DLC1: variants seen among roughly 807,000 people sequenced by gnomAD.
The protein encoded by DLC1 is DLC1 Rho GTPase activating protein, also known as rho GTPase-activating protein 7.
DLC1 carries 54 observed loss-of-function variants against 140.3 expected under a neutral mutation model. The ratio of observed to expected loss-of-function variants is 0.38; its 90% CI spans 0.31 to 0.48. DLC1 has a LOEUF of 0.48. Among genes scored for constraint, DLC1 ranks in the 20% least tolerant of loss-of-function variants. The probability of loss-of-function intolerance (pLI) is 0.96; values close to 1 mark genes in which losing one functional copy is unlikely to be tolerated. For missense variants in DLC1, 2,536 were observed against 1,907.0 expected (o/e 1.33, Z -6.14); for synonymous variants, 986 against 728.1 (o/e 1.35, Z -5.70).
At chr8:13,393,005 A>G (rs964748353) in intron 4 of DLC1, among the ~76,000 whole-genome samples, 16 of 152,322 alleles carry the variant, frequency 1.1e-4, no homozygotes, top group African/African-American at 3.8e-4. Context: ...ATCTCTGCAT[A>G]TAAACCTATT....
At chr8:13,348,118 C>CAAAG (rs1308468829) in intron 4 of DLC1, among the ~76,000 whole-genome samples, 1 of 151,736 alleles carries the variant, frequency 6.6e-6, no homozygotes, top group Non-Finnish European at 1.5e-5. Flanking sequence ...AATAAACAAA[C>CAAAG]AAACTTCCTG....
chr8:13,548,734 C>T (rs1245106126), intron 1 of DLC1, among the ~76,000 whole-genome samples: 2 of 151,902 alleles, frequency 1.3e-5, no homozygotes, highest in Non-Finnish European at 2.9e-5. Flanking sequence ...TCTCTAAGAC[C>T]ACCTGTTAAT....
chr8:13,094,813 G>A lies in DLC1; in HGVS notation c.3472C>T (p.Pro1158Ser). Residue 1158 changes from proline to serine, a missense_variant, in exon 12 of 18, where the codon CCT (proline) becomes TCT (serine). Pro to Ser is a moderately conservative substitution (Grantham distance 74). Transcript: ENST00000276297. ...DMLKQYFRDL[P>S]EPLMTNKLSE... ...AGTTTGTTCGTCATTAGTGGCTCAG[G>A]AAGATCTCGAAAATACTGCTTCAGC... is the stretch of plus-strand genomic sequence containing the variant. 1 of 1,614,182 alleles carries A rather than the reference G, an allele frequency of 6.2e-7. No individual in the cohort carries two copies.
intron 2 of DLC1, among the ~76,000 whole-genome samples, chr8:13,421,838 G>C (rs1838335006): frequency 6.6e-6 from 1 of 152,020 alleles, no homozygotes; most frequent in African/African-American, 2.4e-5. Context: ...CCTAATTTCT[G>C]CCTAGGGAAT....
intron 1 of DLC1, among the ~76,000 whole-genome samples, chr8:13,521,677 A>G (rs1343815134): frequency 6.6e-6 from 1 of 152,130 alleles, no homozygotes; most frequent in Non-Finnish European, 1.5e-5. Context: ...ACTGTGCAAC[A>G]TTCTCAGCCC....
intron 5 of DLC1, among the ~76,000 whole-genome samples, chr8:13,201,138 GAAA>G (rs5889426): frequency 6.9e-6 from 1 of 144,036 alleles, no homozygotes. Context: ...AGGAAACAAG[GAAA>G]AAAAAAAAGC....
rs1292961610 is a variant in DLC1, at chr8:13,421,708, T to C, written c.1024-20089A>G. ...AAAATAGCCTTTTGCTTCCAAAATA[T>C]TGAGGTTACTCATCCTCCAATTCCC... is the stretch of plus-strand genomic sequence containing the variant. On this transcript the variant is annotated intron_variant, in intron 2 of 17. Transcript: ENST00000276297. Among the ~76,000 whole-genome samples, 7 of 152,294 alleles carry C rather than the reference T, an allele frequency of 4.6e-5. No individual in the cohort carries two copies. In the South Asian group the frequency reaches 8.3e-4, roughly 18 times the overall value.
chr8:13,133,056 A>AC, intron 5 of DLC1: 3 of 1,562,432 alleles, frequency 1.9e-6, no homozygotes, highest in Non-Finnish European at 2.6e-6. Context: ...CCGCGTCGGG[A>AC]CCCACGGCGG....
At chr8:13,266,463 G>A (rs1830692309) in intron 5 of DLC1, among the ~76,000 whole-genome samples, 1 of 152,168 alleles carries the variant, frequency 6.6e-6, no homozygotes, top group Non-Finnish European at 1.5e-5. Flanking sequence ...AAGCTCTTTG[G>A]GTTGGGCGTG....
chr8:13,309,882 T>A (rs1158455763), intron 4 of DLC1, among the ~76,000 whole-genome samples: 1 of 152,210 alleles, frequency 6.6e-6, no homozygotes, highest in South Asian at 2.1e-4. Context: ...TTCTTCCTGA[T>A]GACTTAGGAA....
chr8:13,120,372 A>ATATAT (rs1820957772), intron 5 of DLC1, among the ~76,000 whole-genome samples: 1 of 95,970 alleles, frequency 1.0e-5, no homozygotes, highest in African/African-American at 2.8e-5. Flanking sequence ...TATATATATA[A>ATATAT]AATGTATATT....
chr8:13,309,391 A>T (rs763040818), intron 4 of DLC1, among the ~76,000 whole-genome samples: 5 of 152,066 alleles, frequency 3.3e-5, no homozygotes, highest in Non-Finnish European at 7.4e-5. Flanking sequence ...AACCACTCCA[A>T]CCCTCTATGT....
At chr8:13,327,503 G>C (rs1305217028) in intron 4 of DLC1, among the ~76,000 whole-genome samples, 1 of 63,212 alleles carries the variant, frequency 1.6e-5, no homozygotes, top group Non-Finnish European at 4.4e-5. Flanking sequence ...GGGCGGTGGG[G>C]GTGGGGGTTT....
intron 5 of DLC1, among the ~76,000 whole-genome samples, chr8:13,126,975 A>G (rs1821634510): frequency 6.6e-6 from 1 of 152,268 alleles, no homozygotes; most frequent in African/African-American, 2.4e-5. Context: ...TTCCCTTATC[A>G]AAGACCAATG....
intron 2 of DLC1, among the ~76,000 whole-genome samples, chr8:13,454,981 T>G (rs1345640640): frequency 6.6e-6 from 1 of 152,152 alleles, no homozygotes; most frequent in African/African-American, 2.4e-5. Flanking sequence ...CTAGTTTTTT[T>G]TTGTTGTTCA....
chr8:13,332,263 A>G (rs1375844856), intron 4 of DLC1, among the ~76,000 whole-genome samples: 1 of 152,186 alleles, frequency 6.6e-6, no homozygotes, highest in Non-Finnish European at 1.5e-5. Flanking sequence ...CAATCTTTTT[A>G]TAAAGATTGG....
chr8:13,560,211 A>C (rs937908435), intron 1 of DLC1, among the ~76,000 whole-genome samples: 14 of 152,246 alleles, frequency 9.2e-5, no homozygotes, highest in Non-Finnish European at 2.1e-4. Context: ...CAGATCGAAT[A>C]GTAGGAAATC....
chr8:13,492,132 T>G (rs1234004723), intron 2 of DLC1, among the ~76,000 whole-genome samples: 1 of 152,102 alleles, frequency 6.6e-6, no homozygotes, highest in Non-Finnish European at 1.5e-5. Context: ...CTGGGGAAAT[T>G]AAACACCCCC....
At chr8:13,184,282 A>AT (rs766211067) in intron 5 of DLC1, among the ~76,000 whole-genome samples, 8 of 151,980 alleles carry the variant, frequency 5.3e-5, no homozygotes, top group South Asian at 4.2e-4. Flanking sequence ...GGATTCATTG[A>AT]TTTTTTGAAG....
Sources: allele counts gnomAD v4.1 joint callset (sites outside exome capture counted in the v4.1 genomes callset), GRCh38; gene constraint gnomAD v4.1.1; transcripts MANE v1.5; gene names NCBI Gene and HGNC (gene_info 2026-07-23, HGNC 2026-07-21).